KANK1: variants seen among roughly 807,000 people sequenced by gnomAD.
The protein encoded by KANK1 is KN motif and ankyrin repeat domains 1, also known as KN motif and ankyrin repeat domain-containing protein 1.
Under a neutral mutation model 106.2 loss-of-function variants are expected in KANK1, and 109 were observed. That is an observed-to-expected ratio of 1.03 (90% CI 0.88 to 1.20). The LOEUF (loss-of-function observed/expected upper bound fraction) is 1.20. Ranked by LOEUF, KANK1 falls within the 50% of genes most tolerant of loss-of-function variation. KANK1 has a pLI of 0.00. For missense variants in KANK1, 2,399 were observed against 1,710.7 expected (o/e 1.40, Z -7.10); for synonymous variants, 873 against 652.2 (o/e 1.34, Z -5.16).
Position 713,109 on chromosome 9 carries a change from T to C in KANK1, c.2343T>C (p.Cys781=). Residue 781 remains cysteine, a synonymous_variant, in exon 3 of 12, where the codon TGT becomes TGC. Coordinates refer to ENST00000382297, the MANE Select transcript of KANK1 (RefSeq NM_015158.5). ...LVGLKMRTIA[C]GPPQLTVGLT... ...GTCTCAAAATGAGGACTATAGCTTG[T>C]GGGCCACCACAGTTGACTGTGGGGC... 1.9e-6 allele frequency: 3 copies of C among 1,608,578 alleles called. No homozygotes were observed. Among genetic ancestry groups the C allele is most frequent in the Non-Finnish European group, 2.6e-6 (3 of 1,176,142 alleles).
chr9:595,154 C>G (rs1459738997), intron 1 of KANK1, among the ~76,000 whole-genome samples: 2 of 151,916 alleles, frequency 1.3e-5, no homozygotes, highest in African/African-American at 4.9e-5. Context: ...TGGCACATGA[C>G]TGTAGTCCCA....
chr9:565,438 G>A (rs1007897881), intron 1 of KANK1, among the ~76,000 whole-genome samples: 3 of 152,182 alleles, frequency 2.0e-5, no homozygotes, highest in Non-Finnish European at 2.9e-5. Context: ...CTGAGACCAT[G>A]GTATTGCAGT....
intron 1 of KANK1, among the ~76,000 whole-genome samples, chr9:565,570 G>C (rs1211485068): frequency 6.6e-6 from 1 of 152,182 alleles, no homozygotes; most frequent in Non-Finnish European, 1.5e-5. Flanking sequence ...GTGGACAGGG[G>C]ACTATAGAAT....
At chr9:512,868 T>A (rs1345924529) in intron 1 of KANK1, among the ~76,000 whole-genome samples, 2 of 152,254 alleles carry the variant, frequency 1.3e-5, no homozygotes, top group Non-Finnish European at 2.9e-5. Flanking sequence ...CTCTGCCTCC[T>A]GGTTTTTATT....
intron 1 of KANK1, among the ~76,000 whole-genome samples, chr9:518,303 A>G (rs1249509587): frequency 6.6e-6 from 1 of 151,754 alleles, no homozygotes; most frequent in African/African-American, 2.4e-5. Context: ...CCTGGCTTAA[A>G]GCGGTTGTTC....
chr9:614,655 C>A (rs1362277817), intron 1 of KANK1, among the ~76,000 whole-genome samples: 3 of 152,060 alleles, frequency 2.0e-5, no homozygotes. Context: ...ACATGACTGC[C>A]CAGTAACACT....
rs1554721658 is a variant in KANK1, at chr9:740,787, T to TA, written c.3554-4dup. 7,617 of 1,585,864 alleles carry TA rather than the reference T, an allele frequency of 4.8e-3. 118 individuals carry two copies. The African/African-American group carries it at 0.055, about 11-fold the overall frequency. On this transcript the variant is annotated splice_region_variant and splice_polypyrimidine_tract_variant and intron_variant, in intron 8 of 11. Transcript: ENST00000382297. ...TAAGAGACTTTTTTTTTTTTTTTTT[T>TA]ACAGATGTGTGTAATGTGGATCACC... is the stretch of plus-strand genomic sequence containing the variant.
rs1415599331 is a variant in KANK1 at position 592,974 on chromosome 9, C to A, written c.-83-83916C>A. On this transcript the variant is annotated intron_variant, in intron 1 of 11. Coordinates refer to ENST00000382297, the MANE Select transcript of KANK1 (RefSeq NM_015158.5). ...ATACCAAGAAAGATGATCTTGGCGT[C>A]ACCCACCATAGCCTACCTTCTAAGA... 2.0e-5 allele frequency among the ~76,000 whole-genome samples: 3 copies of A among 151,994 alleles called. No individual in the cohort carries two copies. The East Asian group carries it at 5.8e-4, about 29-fold the overall frequency.
chr9:521,227 T>G (rs1053045947), intron 1 of KANK1, among the ~76,000 whole-genome samples: 1 of 151,744 alleles, frequency 6.6e-6, no homozygotes, highest in Non-Finnish European at 1.5e-5. Flanking sequence ...ACCATCTACA[T>G]GTTGAGATTC....
intron 1 of KANK1, among the ~76,000 whole-genome samples, chr9:505,655 C>G (rs1204972912): frequency 6.6e-6 from 1 of 152,218 alleles, no homozygotes; most frequent in Non-Finnish European, 1.5e-5. Context: ...TAGTGAAGGC[C>G]TTGGGCGAGT....
At chr9:485,750 A>G (rs2058281637) in intron 3 of KANK1, among the ~76,000 whole-genome samples, 1 of 152,086 alleles carries the variant, frequency 6.6e-6, no homozygotes, top group Admixed American at 6.6e-5. Flanking sequence ...GCATGCCTGT[A>G]ATCCCAGCTA....
chr9:745,088 G>T (rs906773926), intron 11 of KANK1, 85 bp from the exon 12 acceptor site: 14 of 1,556,148 alleles, frequency 9.0e-6, no homozygotes, highest in African/African-American at 1.4e-5. Flanking sequence ...GTTGCCTGTG[G>T]TGGGCCAAGA....
intron 1 of KANK1, among the ~76,000 whole-genome samples, chr9:604,734 G>A (rs1375189458): frequency 6.6e-6 from 1 of 151,786 alleles, no homozygotes; most frequent in Non-Finnish European, 1.5e-5. Context: ...GGAAGCTGAG[G>A]CAGGAGAATC....
intron 1 of KANK1, among the ~76,000 whole-genome samples, chr9:524,654 A>G (rs1438010000): frequency 6.6e-6 from 1 of 151,418 alleles, no homozygotes; most frequent in Non-Finnish European, 1.5e-5. Flanking sequence ...GGTAGCTGGG[A>G]TTACAGGTGT....
intron 2 of KANK1, among the ~76,000 whole-genome samples, chr9:694,879 G>A (rs1820858709): frequency 6.6e-6 from 1 of 152,108 alleles, no homozygotes; most frequent in Non-Finnish European, 1.5e-5. Context: ...GAAGACTGCA[G>A]GCTCTGTCTG....
intron 3 of KANK1, among the ~76,000 whole-genome samples, chr9:499,065 C>G (rs1304289695): frequency 6.6e-6 from 1 of 151,838 alleles, no homozygotes; most frequent in Non-Finnish European, 1.5e-5. Flanking sequence ...GTAGTCCCAG[C>G]TACTCGGGAG....
chr9:489,729 C>G (rs1564118579), intron 3 of KANK1, among the ~76,000 whole-genome samples: 1 of 152,160 alleles, frequency 6.6e-6, no homozygotes, highest in Non-Finnish European at 1.5e-5. Context: ...TAAAGCTTAG[C>G]TATTATTACT....
chr9:606,691 C>G (rs1336543423), intron 1 of KANK1, among the ~76,000 whole-genome samples: 1 of 151,040 alleles, frequency 6.6e-6, no homozygotes, highest in East Asian at 1.9e-4. Flanking sequence ...TCAGTGCTTT[C>G]TTATGACAGT....
chr9:640,396 C>A (rs376355883), intron 1 of KANK1, among the ~76,000 whole-genome samples: 48 of 151,720 alleles, frequency 3.2e-4, no homozygotes, highest in Non-Finnish European at 6.6e-4. Flanking sequence ...CCATCACGCC[C>A]AGCTAATTTT....
Sources: allele counts gnomAD v4.1 joint callset (sites outside exome capture counted in the v4.1 genomes callset), GRCh38; gene constraint gnomAD v4.1.1; transcripts MANE v1.5; gene names NCBI Gene and HGNC (gene_info 2026-07-23, HGNC 2026-07-21).